Variants in CADM2 observed in about 807,000 individuals in gnomAD.
CADM2 encodes cell adhesion molecule 2.
In CADM2, 12 loss-of-function variants were observed where a neutral mutation model predicts 49.8. The ratio of observed to expected loss-of-function variants is 0.24; its 90% CI spans 0.15 to 0.39. The LOEUF (loss-of-function observed/expected upper bound fraction) is 0.39. Ranked by LOEUF, CADM2 falls within the 10% of genes least tolerant of loss-of-function variation. The pLI is 1.00. For synonymous variants in CADM2, 214 were observed against 175.4 expected (o/e 1.22, Z -1.74); for missense variants, 378 against 492.3 (o/e 0.77, Z 2.20).
chr3:85,765,914 A>G (rs1445636361), intron 2 of CADM2, among the ~76,000 whole-genome samples: 1 of 152,118 alleles, frequency 6.6e-6, no homozygotes, highest in East Asian at 1.9e-4. Flanking sequence ...TGCTCAGATC[A>G]CATTTGATTC....
At chr3:86,014,665 C>T (rs1731981411) in intron 8 of CADM2, 1 of 1,561,218 alleles carries the variant, frequency 6.4e-7, no homozygotes, top group Non-Finnish European at 8.7e-7. Flanking sequence ...CTGGTACCCT[C>T]AGTCATGGGA....
At chr3:85,724,613 A>T (rs1230745096) in intron 1 of CADM2, among the ~76,000 whole-genome samples, 1 of 151,974 alleles carries the variant, frequency 6.6e-6, no homozygotes, top group Non-Finnish European at 1.5e-5. Context: ...TAACCTGGAA[A>T]TGTGGGAAAA....
rs61116379 is a variant in CADM2, at chr3:85,296,423, A to AT, written c.61+336765dup. Among the ~76,000 whole-genome samples, 405 of 150,240 alleles carry AT rather than the reference A, an allele frequency of 2.7e-3. 1 individual carries two copies. The highest frequency in any genetic ancestry group is 3.8e-3 in the Non-Finnish European group (259 of 67,360). On this transcript the variant is annotated intron_variant, in intron 1 of 9. Transcript: ENST00000383699. ...GTTCATATCATAACTAAAGTAAACAATTTTTTTTTTCTATTTTAAAGAATG... is the reference window on the plus strand; with the variant it reads ...GTTCATATCATAACTAAAGTAAACAATTTTTTTTTTTCTATTTTAAAGAATG...
At chr3:84,990,008 A>G (rs987089823) in intron 1 of CADM2, among the ~76,000 whole-genome samples, 6 of 151,946 alleles carry the variant, frequency 3.9e-5, no homozygotes, top group African/African-American at 7.2e-5. Flanking sequence ...ACAAGTGATG[A>G]ATATTTAAGT....
intron 1 of CADM2, chr3:84,960,435 C>T (rs2030379100): frequency 6.6e-6 from 1 of 151,444 alleles, no homozygotes; most frequent in African/African-American, 2.4e-5. Context: ...AAGACCCAAA[C>T]CCACTTTATC....
chr3:85,646,708 A>T (rs569039364), intron 1 of CADM2, among the ~76,000 whole-genome samples: 3 of 151,964 alleles, frequency 2.0e-5, no homozygotes, highest in Non-Finnish European at 4.4e-5. Context: ...CCTTCTGGTT[A>T]CTTCTCAAAT....
intron 8 of CADM2, among the ~76,000 whole-genome samples, chr3:85,988,643 T>G (rs2108691362): frequency 6.6e-6 from 1 of 152,274 alleles, no homozygotes; most frequent in South Asian, 2.1e-4. Context: ...TCAATAAAGT[T>G]ACTATAAATG....
intron 3 of CADM2, among the ~76,000 whole-genome samples, chr3:85,823,929 C>T (rs1040881662): frequency 6.6e-6 from 1 of 152,018 alleles, no homozygotes; most frequent in Non-Finnish European, 1.5e-5. Context: ...AATTACAGCC[C>T]ATCCGCGAGA....
At chr3:85,965,539 C>T (rs963640138) in intron 8 of CADM2, among the ~76,000 whole-genome samples, 3 of 151,322 alleles carry the variant, frequency 2.0e-5, no homozygotes, top group Non-Finnish European at 4.4e-5. Flanking sequence ...CTGAAAGCTA[C>T]CGGAACATAA....
intron 6 of CADM2, among the ~76,000 whole-genome samples, chr3:85,915,650 A>G (rs991515619): frequency 1.3e-5 from 2 of 152,146 alleles, no homozygotes; most frequent in African/African-American, 4.8e-5. Context: ...TAGATTATAT[A>G]GAACTTTCCA....
At chr3:85,393,861 AT>A in intron 1 of CADM2, among the ~76,000 whole-genome samples, 1 of 152,274 alleles carries the variant, frequency 6.6e-6, no homozygotes, top group South Asian at 2.1e-4. Context: ...GGCTTCTTAA[AT>A]TTGGCATTAA....
rs1382077548 is a variant in CADM2, at chr3:84,959,674, C to A, written c.61+6C>A. The stretch of plus-strand genomic sequence containing the variant: ...CTGCGGGCTCCTGCTACAAGGTAAT[C>A]CCCGCCCCGGCGCAGGGAACATCAA... On this transcript the variant is annotated splice_donor_region_variant and intron_variant, in intron 1 of 9. Transcript: ENST00000383699. 6.5e-7 allele frequency: 1 copy of A among 1,536,870 alleles called. No individual in the cohort carries two copies. Among genetic ancestry groups the A allele is most frequent in the African/African-American group, 1.4e-5 (1 of 73,132 alleles).
rs143418009 is a variant in CADM2 at position 85,847,398 on chromosome 3, C to A, written c.239-35893C>A. On this transcript the variant is annotated intron_variant, in intron 3 of 9. Transcript: ENST00000383699. ...GGGATCACATAGGAAATCAGCTACC[C>A]GGTGATTAGCACATGGCAAGATTTC... is the stretch of plus-strand genomic sequence containing the variant. Among the ~76,000 whole-genome samples, 653 of 152,168 alleles carry A rather than the reference C, an allele frequency of 4.3e-3. 4 individuals are homozygous for A. The highest frequency in any genetic ancestry group is 0.015 in the African/African-American group (602 of 41,504).
chr3:85,133,561 T>C (rs2039305258), intron 1 of CADM2, among the ~76,000 whole-genome samples: 1 of 142,438 alleles, frequency 7.0e-6, no homozygotes, highest in Non-Finnish European at 1.5e-5. Context: ...GAGTGCCCAC[T>C]GGTGTATTTA....
intron 1 of CADM2, among the ~76,000 whole-genome samples, chr3:85,244,237 C>CA (rs1278345680): frequency 1.3e-5 from 2 of 151,824 alleles, no homozygotes; most frequent in Admixed American, 1.3e-4. Context: ...AATAGTATGG[C>CA]AAAAAAACTC....
intron 1 of CADM2, among the ~76,000 whole-genome samples, chr3:85,076,597 T>C (rs1483693555): frequency 1.3e-5 from 2 of 151,780 alleles, no homozygotes; most frequent in Non-Finnish European, 2.9e-5. Context: ...TCTGCCTGCT[T>C]TGGCCTCCCA....
intron 1 of CADM2, among the ~76,000 whole-genome samples, chr3:85,701,493 G>A (rs377352482): frequency 1.4e-4 from 21 of 149,800 alleles, no homozygotes; most frequent in East Asian, 5.9e-4. Context: ...TTTTTTTTCC[G>A]GCTCCTTGCT....
At chr3:85,745,153 C>G (rs1157262618) in intron 2 of CADM2, among the ~76,000 whole-genome samples, 2 of 152,058 alleles carry the variant, frequency 1.3e-5, no homozygotes, top group African/African-American at 4.8e-5. Context: ...GTTAAAAGCC[C>G]AAGCAATTTC....
At chr3:85,537,046 A>T (rs2061434896) in intron 1 of CADM2, among the ~76,000 whole-genome samples, 1 of 152,034 alleles carries the variant, frequency 6.6e-6, no homozygotes, top group Admixed American at 6.6e-5. Context: ...TCTCATGAGA[A>T]GTTTGTTATG....
Sources: allele counts gnomAD v4.1 joint callset (sites outside exome capture counted in the v4.1 genomes callset), GRCh38; gene constraint gnomAD v4.1.1; transcripts MANE v1.5; gene names NCBI Gene and HGNC (gene_info 2026-07-23, HGNC 2026-07-21).